CHSY1: variants seen among roughly 807,000 people sequenced by gnomAD.
CHSY1 encodes the protein N-acetylgalactosaminyl-proteoglycan 3-beta-glucuronosyltransferase 1.
Under a neutral mutation model 59.8 loss-of-function variants are expected in CHSY1, and 13 were observed. That is an observed-to-expected ratio of 0.22 (90% CI 0.14 to 0.35). The LOEUF is 0.35. CHSY1 is among the 10% of genes least tolerant of loss of function. CHSY1 has a pLI of 1.00. For synonymous variants in CHSY1, 459 were observed against 401.2 expected (o/e 1.14, Z -1.72); for missense variants, 947 against 1,030.6 (o/e 0.92, Z 1.11).
At chr15:101,249,380 G>C (rs1317927412) in intron 1 of CHSY1, among the ~76,000 whole-genome samples, 2 of 127,286 alleles carry the variant, frequency 1.6e-5, no homozygotes, top group African/African-American at 4.0e-5. Flanking sequence ...CTGTTTCTCT[G>C]GTCAAAAAAA....
At chr15:101,225,827 T>C (rs773595177) in intron 2 of CHSY1, among the ~76,000 whole-genome samples, 7 of 152,192 alleles carry the variant, frequency 4.6e-5, no homozygotes, top group South Asian at 2.1e-4. Context: ...ATTATGGGAA[T>C]TGAGGTGATA....
chr15:101,201,229 T>C (rs1052638671), intron 2 of CHSY1, among the ~76,000 whole-genome samples: 1 of 152,226 alleles, frequency 6.6e-6, no homozygotes, highest in Admixed American at 6.5e-5. Context: ...TAGAATCATC[T>C]GAGATTGTAA....
At position 101,178,062 on chromosome 15, in the gene CHSY1, C is replaced by G; in HGVS notation, c.1735G>C (p.Asp579His). 6.2e-7 allele frequency: 1 copy of G among 1,614,134 alleles called. No individual in the cohort carries two copies. Among genetic ancestry groups the G allele is most frequent in the Non-Finnish European group, 8.5e-7 (1 of 1,180,012 alleles). The change falls in exon 3 of 3, where the codon GAC (aspartate) becomes CAC (histidine). Residue 579 changes from aspartate to histidine, a missense_variant. Around this residue, in one of 4 missense-constraint regions of CHSY1, gnomAD observed 602 missense variants for 676.9 expected, o/e 0.89. Coordinates refer to ENST00000254190, the MANE Select transcript of CHSY1 (RefSeq NM_014918.5). ...ATCAGTTCAACTTGTTTGGCCTTGT[C>G]AGGGTTGGAGTCAGAATTGAAAAGC... Reference protein sequence around the residue: ...VLLFNSDSNPDKAKQVELMRD... With the variant: ...VLLFNSDSNPHKAKQVELMRD...
chr15:101,197,850 A>G (rs1297935132), intron 2 of CHSY1, among the ~76,000 whole-genome samples: 1 of 152,178 alleles, frequency 6.6e-6, no homozygotes, highest in Non-Finnish European at 1.5e-5. Context: ...TTTCTTAAAC[A>G]TCTGACCTTG....
At chr15:101,189,881 C>T (rs74684346) in intron 2 of CHSY1, among the ~76,000 whole-genome samples, 13 of 152,342 alleles carry the variant, frequency 8.5e-5, no homozygotes, top group East Asian at 1.9e-4. Context: ...GCGCTGTGGG[C>T]GGGGAGCAAG....
At position 101,178,564 on chromosome 15, in the gene CHSY1, C is replaced by G; in HGVS notation, c.1233G>C (p.Gln411His). 2 of 1,614,212 alleles carry G rather than the reference C, an allele frequency of 1.2e-6. No individual in the cohort carries two copies. Among genetic ancestry groups the G allele is most frequent in the Non-Finnish European group, 1.7e-6 (2 of 1,180,028 alleles). The stretch of plus-strand genomic sequence containing the variant: ...CGTTGGCATTGATCATCTCCATGAC[C>G]TGCATGACAATGTCGTCCAAGGCTT... ...QREALDDIVM[Q>H]VMEMINANAK... is the part of the protein sequence containing the mutation. Residue 411 changes from glutamine (Q) to histidine (H), a missense_variant, in exon 3 of 3, where the codon CAG becomes CAC. Coordinates refer to ENST00000254190, the MANE Select transcript of CHSY1 (RefSeq NM_014918.5).
intron 2 of CHSY1, among the ~76,000 whole-genome samples, chr15:101,215,629 G>A (rs1487097354): frequency 6.6e-6 from 1 of 152,200 alleles, no homozygotes; most frequent in East Asian, 1.9e-4. Context: ...CGGCTACCCA[G>A]GAGGCCGAGG....
At chr15:101,246,729 T>C (rs1017772353) in intron 1 of CHSY1, among the ~76,000 whole-genome samples, 1 of 152,154 alleles carries the variant, frequency 6.6e-6, no homozygotes, top group Non-Finnish European at 1.5e-5. Context: ...TTTCTAGAAT[T>C]AGGAAGGAAA....
At chr15:101,190,597 A>C (rs1480006495) in intron 2 of CHSY1, among the ~76,000 whole-genome samples, 2 of 152,258 alleles carry the variant, frequency 1.3e-5, no homozygotes, top group Non-Finnish European at 2.9e-5. Flanking sequence ...ACTCCATGTA[A>C]GAATTGATAA....
At chr15:101,246,356 C>CTTTT (rs56741361) in intron 1 of CHSY1, among the ~76,000 whole-genome samples, 6 of 80,994 alleles carry the variant, frequency 7.4e-5, no homozygotes, top group Admixed American at 1.4e-4. Context: ...ATACGTGTGG[C>CTTTT]TTTTTTTTTT....
At chr15:101,212,588 A>G (rs2141261666) in intron 2 of CHSY1, among the ~76,000 whole-genome samples, 1 of 152,306 alleles carries the variant, frequency 6.6e-6, no homozygotes, top group Admixed American at 6.5e-5. Context: ...AGAAAATCAC[A>G]ACAGTGGTTG....
intron 2 of CHSY1, among the ~76,000 whole-genome samples, chr15:101,223,247 G>A (rs962588241): frequency 5.3e-5 from 8 of 152,096 alleles, no homozygotes; most frequent in African/African-American, 1.9e-4. Context: ...CACCCACCTT[G>A]GCCTCCCAAA....
intron 2 of CHSY1, chr15:101,189,540 G>T: frequency 1.1e-6 from 1 of 917,546 alleles, no homozygotes; most frequent in Non-Finnish European, 1.3e-6. Flanking sequence ...GCTGTTCTGT[G>T]TCAAGTCTAA....
At chr15:101,212,485 G>C (rs1366260395) in intron 2 of CHSY1, among the ~76,000 whole-genome samples, 2 of 152,222 alleles carry the variant, frequency 1.3e-5, no homozygotes, top group Non-Finnish European at 2.9e-5. Flanking sequence ...ATGAGCCTCA[G>C]AAACATGCTC....
At chr15:101,193,065 C>A (rs913438371) in intron 2 of CHSY1, among the ~76,000 whole-genome samples, 6 of 152,236 alleles carry the variant, frequency 3.9e-5, no homozygotes, top group African/African-American at 1.4e-4. Context: ...TGTTACTGTG[C>A]ACGTTTTACT....
chr15:101,180,470 G>A (rs1335718854), intron 2 of CHSY1, among the ~76,000 whole-genome samples: 1 of 152,216 alleles, frequency 6.6e-6, no homozygotes, highest in African/African-American at 2.4e-5. Flanking sequence ...AAAAGGTGGT[G>A]AGGTTTTCTG....
intron 2 of CHSY1, chr15:101,188,253 T>TA: frequency 2.1e-6 from 2 of 935,902 alleles, no homozygotes; most frequent in Non-Finnish European, 2.5e-6. Context: ...AAGCGTTGTC[T>TA]AAATGTCAAG....
At chr15:101,241,883 C>A (rs368901233) in intron 1 of CHSY1, among the ~76,000 whole-genome samples, 1 of 152,186 alleles carries the variant, frequency 6.6e-6, no homozygotes. Context: ...AATCCACAGA[C>A]GCTTTAGTCC....
intron 2 of CHSY1, among the ~76,000 whole-genome samples, chr15:101,199,014 C>T (rs369432958): frequency 1.2e-4 from 19 of 152,296 alleles, no homozygotes; most frequent in South Asian, 8.3e-4. Flanking sequence ...AAACTCATTC[C>T]TAAGTGTGGC....
Sources: gnomAD v4.1 joint callset for allele counts (sites outside exome capture counted in the v4.1 genomes callset) on GRCh38, gnomAD v4.1.1 for gene constraint, gnomAD v4.1.1 regional missense constraint, MANE v1.5 for transcripts, NCBI Gene and HGNC (gene_info 2026-07-23, HGNC 2026-07-21) for gene names.